Variants in STARD3 observed in about 807,000 individuals in gnomAD.
STARD3 encodes StAR related lipid transfer domain containing 3.
A neutral mutation model predicts 62.0 loss-of-function variants in STARD3; 39 were observed. The ratio of observed to expected loss-of-function variants is 0.63; its 90% confidence interval spans 0.49 to 0.82. The LOEUF is 0.82. STARD3 is among the 40% of genes least tolerant of loss of function. STARD3 has a pLI of 0.00. For synonymous variants in STARD3, 229 were observed against 242.4 expected, an observed-to-expected ratio of 0.94 and a Z score of 0.51; for missense variants, 543 against 584.5, an observed-to-expected ratio of 0.93 and a Z score of 0.73.
At chr17:39,658,287 C>T (rs771248875) in intron 5 of STARD3, 118 bp from the exon 6 acceptor site, 12 of 959,844 alleles carry the variant, frequency 1.3e-5, no homozygotes, top group East Asian at 2.5e-5. Flanking sequence ...GGTTCCCAAG[C>T]AGCTGCTACC....
At position 39,663,575 on chromosome 17, in the gene STARD3, C is replaced by A. The variant is rs145241630; in HGVS notation, c.*667C>A. The stretch of plus-strand genomic sequence containing the variant: ...AGGGAAGACCCCTCACACAGCCTCT[C>A]CTGGGCTCACAGGAGGGCGGAGCCC... On this transcript the variant is annotated 3_prime_UTR_variant, in exon 15 of 15. Coordinates refer to ENST00000336308, the MANE Select transcript of STARD3 (RefSeq NM_006804.4). The A allele has an allele frequency of 0.015, 2,263 of 152,376 alleles. 65 individuals carry two copies. The highest frequency in any genetic ancestry group is 0.052 in the African/African-American group (2,161 of 41,438). The allele number at this position is 152,376 out of a possible 1,614,324, so 9.4% of individuals were successfully genotyped here.
chr17:39,648,615 C>G (rs895432340), intron 1 of STARD3, among the ~76,000 whole-genome samples: 1 of 152,134 alleles, frequency 6.6e-6, no homozygotes, highest in Non-Finnish European at 1.5e-5. Context: ...TGGGCCAGTG[C>G]TCTGCCTACT....
rs2057182772 is a variant in STARD3 at position 39,660,382 on chromosome 17, C to T, written c.859-49C>T. On this transcript the variant is annotated intron_variant, in intron 10 of 14. Coordinates refer to ENST00000336308, the MANE Select transcript of STARD3 (RefSeq NM_006804.4). This position sits in a 1 kb window ranked among gnomAD's most constrained non-coding sequence, Gnocchi z 4.8. ...CCCCCACCAAGAGGGAAGGGTTGGT[C>T]TGCCCGAGCCCATCTGGCACCACCC... The T allele has an allele frequency of 6.2e-7, 1 of 1,611,680 alleles. No individual in the cohort carries two copies. The highest frequency in any genetic ancestry group is 1.1e-5 in the South Asian group (1 of 91,034).
At chr17:39,646,122 C>G (rs1475072791) in intron 1 of STARD3, among the ~76,000 whole-genome samples, 1 of 152,080 alleles carries the variant, frequency 6.6e-6, no homozygotes, top group Non-Finnish European at 1.5e-5. Flanking sequence ...AAACTCCTGA[C>G]CTCAGGTGAT....
intron 1 of STARD3, among the ~76,000 whole-genome samples, chr17:39,644,805 T>C (rs1276744484): frequency 6.7e-6 from 1 of 148,858 alleles, no homozygotes; most frequent in Admixed American, 6.8e-5. Context: ...GAGGCTGCAA[T>C]GAGCTGTAAT....
At chr17:39,643,905 T>C (rs1225972975) in intron 1 of STARD3, among the ~76,000 whole-genome samples, 1 of 152,208 alleles carries the variant, frequency 6.6e-6, no homozygotes, top group African/African-American at 2.4e-5. Flanking sequence ...GTAGGTGATA[T>C]TGTTAACCCC....
intron 2 of STARD3, among the ~76,000 whole-genome samples, chr17:39,654,558 C>CA (rs752025333): frequency 2.0e-4 from 30 of 149,860 alleles, no homozygotes; most frequent in Non-Finnish European, 3.4e-4. Flanking sequence ...CTCAGGAACA[C>CA]AGTCTAGTTG....
At chr17:39,648,464 C>T (rs1401233652) in intron 1 of STARD3, among the ~76,000 whole-genome samples, 2 of 152,092 alleles carry the variant, frequency 1.3e-5, no homozygotes, top group Non-Finnish European at 2.9e-5. Flanking sequence ...GAGATCCTCT[C>T]TTTAAAAAAA....
rs150519469 is a variant in STARD3 at position 39,656,210 on chromosome 17, G to A, written c.220-798G>A. ...GGAGAGCGGAAGCCCCAGTCTAGGC[G>A]GTTGTGAGGGGTCTTCCTCTCCAGG... On this transcript the variant is annotated intron_variant, in intron 2 of 14. Coordinates refer to ENST00000336308, the MANE Select transcript of STARD3 (RefSeq NM_006804.4). Among the ~76,000 whole-genome samples the A allele has an allele frequency of 2.4e-4, 36 of 152,286 alleles. No homozygotes were observed. The East Asian group carries it at 2.9e-3, about 12-fold the overall frequency.
At position 39,659,746 on chromosome 17, in the gene STARD3, C is replaced by T. The variant is rs1597799807; in HGVS notation, c.795+193C>T. ...GTTTCCCCCGTGCCCCTTGGCCCCCCTTCCCCGCACCCCCCATGTTTACTT... is the reference window on the plus strand; with the variant it reads ...GTTTCCCCCGTGCCCCTTGGCCCCCTTTCCCCGCACCCCCCATGTTTACTT... On this transcript the variant is annotated intron_variant, in intron 9 of 14. Transcript: ENST00000336308. 4 of 590,962 alleles carry T rather than the reference C, an allele frequency of 6.8e-6. No homozygotes were observed. The East Asian group carries it at 1.2e-4, about 17-fold the overall frequency. 36.6% of individuals were successfully genotyped at this position (590,962 alleles called of 1,614,324 possible). A position where few individuals can be genotyped will look rare whatever the true frequency, so the allele number is the denominator to read the frequency against.
At chr17:39,649,063 G>A (rs1488626766) in intron 1 of STARD3, among the ~76,000 whole-genome samples, 1 of 152,196 alleles carries the variant, frequency 6.6e-6, no homozygotes, top group Non-Finnish European at 1.5e-5. Context: ...TGGAGAAAGT[G>A]GGAGAGACTG....
At position 39,659,059 on chromosome 17, in the gene STARD3, A is replaced by G; in HGVS notation, c.655A>G (p.Asn219Asp). Residue 219 changes from asparagine to aspartate, a missense_variant, in exon 8 of 15, where the codon AAT becomes GAT. Transcript: ENST00000336308. ...SPPESFAGSD[N>D]ESDEEVAGKK... Reference sequence around the variant, plus strand: ...GTGCCTGTTTTCTGCAGGGTCTGACAATGAATCAGATGAAGAAGTTGCTGG... The same window carrying G: ...GTGCCTGTTTTCTGCAGGGTCTGACGATGAATCAGATGAAGAAGTTGCTGG... The G allele has an allele frequency of 6.2e-7, 1 of 1,614,062 alleles. No homozygotes were observed. Among genetic ancestry groups the G allele is most frequent in the Admixed American group, 1.7e-5 (1 of 60,010 alleles).
At chr17:39,658,158 T>A (rs2057152051) in intron 5 of STARD3, 132 bp downstream of exon 5, 2 of 1,058,412 alleles carry the variant, frequency 1.9e-6, no homozygotes, top group Admixed American at 4.0e-5. Flanking sequence ...ATCCTGTCCT[T>A]TGGTATCTAT....
chr17:39,655,857 C>A (rs914271924), intron 2 of STARD3, among the ~76,000 whole-genome samples: 13 of 151,844 alleles, frequency 8.6e-5, no homozygotes, highest in African/African-American at 2.9e-4. Flanking sequence ...CTTGGCTCTC[C>A]CGAGTCCTGA....
Position 39,662,248 on chromosome 17 carries a change from T to C in STARD3, c.1140-3T>C, listed in dbSNP as rs1183467355. 4.3e-6 allele frequency: 7 copies of C among 1,613,338 alleles called. No individual in the cohort carries two copies. In the African/African-American group the frequency reaches 5.3e-5, roughly 12 times the overall value. ...GTCCCCCCAATGATGCCTCTTTCCA[T>C]AGGGGAGAGAATGGCCCTGGGGGCT... is the stretch of plus-strand genomic sequence containing the variant. On this transcript the variant is annotated splice_region_variant and splice_polypyrimidine_tract_variant and intron_variant, in intron 13 of 14. Coordinates refer to ENST00000336308, the MANE Select transcript of STARD3 (RefSeq NM_006804.4).
intron 1 of STARD3, among the ~76,000 whole-genome samples, chr17:39,645,618 C>T (rs1438154947): frequency 3.3e-5 from 5 of 152,008 alleles, no homozygotes; most frequent in Admixed American, 6.6e-5. Context: ...TACAGGCACA[C>T]GCCACCATGC....
At chr17:39,653,998 C>G (rs1243307479) in intron 2 of STARD3, among the ~76,000 whole-genome samples, 1 of 152,238 alleles carries the variant, frequency 6.6e-6, no homozygotes, top group Admixed American at 6.5e-5. Context: ...TGAACCTACC[C>G]TCCAGCTGAG....
intron 1 of STARD3, among the ~76,000 whole-genome samples, chr17:39,643,156 A>C (rs1248473649): frequency 6.6e-6 from 1 of 152,140 alleles, no homozygotes; most frequent in African/African-American, 2.4e-5. Flanking sequence ...GTAGGTGAGC[A>C]GTGGGCAGAT....
chr17:39,645,004 T>C (rs1169651997), intron 1 of STARD3, among the ~76,000 whole-genome samples: 1 of 152,206 alleles, frequency 6.6e-6, no homozygotes, highest in Non-Finnish European at 1.5e-5. Flanking sequence ...AGGAACCCTG[T>C]CTGTGGCTCT....
Sources: allele counts gnomAD v4.1 joint callset (sites outside exome capture counted in the v4.1 genomes callset), GRCh38; gene constraint gnomAD v4.1.1; non-coding constraint Gnocchi (gnomAD v3.1); transcripts MANE v1.5; gene names NCBI Gene and HGNC (gene_info 2026-07-23, HGNC 2026-07-21).